Variants in HOTAIR observed in about 807,000 individuals in gnomAD.
HOTAIR encodes HOX transcript antisense RNA (non-protein coding).
At position 53,973,625 on chromosome 12, in the gene HOTAIR, C is replaced by G. The variant is rs143575026; in HGVS notation, n.59+1273G>C. On this transcript the variant is annotated intron_variant and non_coding_transcript_variant, in intron 1 of 6. Coordinates refer to ENST00000424518, the Ensembl canonical transcript of HOTAIR. This position sits in a 1 kb window ranked among gnomAD's most constrained non-coding sequence, Gnocchi z 4.3. ...CCTACGGCGGCCACCACCACCCCAG[C>G]GCCCCGCACGCAACCCCCGCCGGCT... 9.7e-4 allele frequency: 1,571 copies of G among 1,613,756 alleles called. 3 individuals carry two copies. Among genetic ancestry groups the G allele is most frequent in the Non-Finnish European group, 1.2e-3 (1,460 of 1,180,034 alleles).
intron 2 of HOTAIR, chr12:53,968,457 A>T (rs1446985996): frequency 6.6e-6 from 1 of 152,198 alleles, no homozygotes; most frequent in African/African-American, 2.4e-5. Context: ...CCAGGCGATA[A>T]ATCTCTGGCG....
exon 2 of HOTAIR, chr12:53,968,712 C>A (rs548034593): frequency 6.6e-6 from 1 of 152,424 alleles, no homozygotes; most frequent in Non-Finnish European, 1.5e-5. Context: ...TTCCAGGTTC[C>A]GGAAATCAGG....
intron 1 of HOTAIR, chr12:53,974,012 G>A: frequency 8.6e-7 from 1 of 1,156,788 alleles, no homozygotes; most frequent in Non-Finnish European, 1.2e-6. Context: ...AGGGGAGCGG[G>A]GACGGCCTCG....
rs116871204 is a variant in HOTAIR, at chr12:53,972,601, C to A, written n.59+2297G>T. On this transcript the variant is annotated intron_variant and non_coding_transcript_variant, in intron 1 of 6. Coordinates refer to ENST00000424518, the Ensembl canonical transcript of HOTAIR. ...ACTCCAGAAAGGTAGTCTTGACACCCAGCTCTGGCCAGGAAAAGAGTGGAC... is the reference window on the plus strand; with the variant it reads ...ACTCCAGAAAGGTAGTCTTGACACCAAGCTCTGGCCAGGAAAAGAGTGGAC... Among the ~76,000 whole-genome samples, 721 of 152,348 alleles carry A rather than the reference C, an allele frequency of 4.7e-3. 9 individuals carry two copies. The highest frequency in any genetic ancestry group is 3.4e-3 in the Middle Eastern group (1 of 294).
rs1203833898 is a variant in HOTAIR at position 53,973,181 on chromosome 12, T to G, written n.59+1717A>C. The stretch of plus-strand genomic sequence containing the variant: ...AACGCGTCATCTCGCCTTCCCAAAT[T>G]TTCCCCCCTCGCTAGACCGGGTCCA... On this transcript the variant is annotated intron_variant and non_coding_transcript_variant, in intron 1 of 6. Transcript: ENST00000424518. This position sits in a 1 kb window ranked among gnomAD's most constrained non-coding sequence, Gnocchi z 4.3. The G allele has an allele frequency of 2.9e-6, 4 of 1,381,298 alleles. No homozygotes were observed. The highest frequency in any genetic ancestry group is 3.9e-6 in the Non-Finnish European group (4 of 1,023,998). 85.6% of individuals were successfully genotyped at this position (1,381,298 alleles called of 1,614,324 possible). A position where few individuals can be genotyped will look rare whatever the true frequency, so the allele number is the denominator to read the frequency against.
intron 1 of HOTAIR, among the ~76,000 whole-genome samples, chr12:53,969,889 A>G (rs1377564382): frequency 6.6e-6 from 1 of 152,172 alleles, no homozygotes; most frequent in Non-Finnish European, 1.5e-5. Flanking sequence ...GCTCTCTAGA[A>G]CCCAGAGCAG....
At chr12:53,974,010 G>C (rs1308618224) in intron 1 of HOTAIR, 1 of 1,184,276 alleles carries the variant, frequency 8.4e-7, no homozygotes, top group Non-Finnish European at 1.1e-6. Context: ...CAAGGGGAGC[G>C]GGGACGGCCT....
intron 1 of HOTAIR, among the ~76,000 whole-genome samples, chr12:53,971,319 T>C (rs1939144769): frequency 6.6e-6 from 1 of 152,196 alleles, no homozygotes; most frequent in Non-Finnish European, 1.5e-5. Context: ...ACCTGAGACC[T>C]ATCCCTGAGT....
At chr12:53,974,015 C>A in intron 1 of HOTAIR, 3 of 1,139,250 alleles carry the variant, frequency 2.6e-6, no homozygotes, top group Non-Finnish European at 2.4e-6. Flanking sequence ...GGAGCGGGGA[C>A]GGCCTCGTGT....
At position 53,973,321 on chromosome 12, in the gene HOTAIR, G is replaced by A; in HGVS notation, n.59+1577C>T. ...GGCGCAGATTTCGGCGAGCGAGGGA[G>A]CTGCGCCTCCAACCTCTATCTGCCC... On this transcript the variant is annotated intron_variant and non_coding_transcript_variant, in intron 1 of 6. Transcript: ENST00000424518. The surrounding 1 kb of genome is among the most constrained non-coding windows in gnomAD (Gnocchi z 4.3). 1 of 1,614,114 alleles carries A rather than the reference G, an allele frequency of 6.2e-7. No individual in the cohort carries two copies. Among genetic ancestry groups the A allele is most frequent in the Non-Finnish European group, 8.5e-7 (1 of 1,180,018 alleles).
chr12:53,964,872 C>T (rs564338143), intron 5 of HOTAIR, among the ~76,000 whole-genome samples: 24 of 152,218 alleles, frequency 1.6e-4, no homozygotes, highest in African/African-American at 5.5e-4. Flanking sequence ...TTTGAATGCC[C>T]CTGATTTAGT....
Position 53,973,311 on chromosome 12 carries a change from G to A in HOTAIR, n.59+1587C>T, listed in dbSNP as rs755493064. The A allele has an allele frequency of 6.2e-7, 1 of 1,613,860 alleles. No homozygotes were observed. The highest frequency in any genetic ancestry group is 8.5e-7 in the Non-Finnish European group (1 of 1,180,016). On this transcript the variant is annotated intron_variant and non_coding_transcript_variant, in intron 1 of 6. Coordinates refer to ENST00000424518, the Ensembl canonical transcript of HOTAIR. This position sits in a 1 kb window ranked among gnomAD's most constrained non-coding sequence, Gnocchi z 4.3. ...CAAGGAGAGGGGCGCAGATTTCGGC[G>A]AGCGAGGGAGCTGCGCCTCCAACCT...
chr12:53,967,947 A>C (rs1256976583), intron 2 of HOTAIR: 1 of 152,224 alleles, frequency 6.6e-6, no homozygotes, highest in Non-Finnish European at 1.5e-5. Context: ...AAGCCTGGGA[A>C]GGTATCACCC....
At chr12:53,970,301 C>T (rs1231833137) in intron 1 of HOTAIR, among the ~76,000 whole-genome samples, 1 of 152,152 alleles carries the variant, frequency 6.6e-6, no homozygotes, top group Non-Finnish European at 1.5e-5. Flanking sequence ...AGGGATGGCT[C>T]CTGTACAGGG....
chr12:53,973,482 G>C lies in HOTAIR; in HGVS notation n.59+1416C>G. The C allele has an allele frequency of 1.2e-6, 2 of 1,613,952 alleles. No individual in the cohort carries two copies. The highest frequency in any genetic ancestry group is 1.7e-6 in the Non-Finnish European group (2 of 1,180,000). ...GGTCTCCTACGGCCTGGAGCCATCC[G>C]GCAAGTGGCACCATCGGAACAGCTA... On this transcript the variant is annotated intron_variant and non_coding_transcript_variant, in intron 1 of 6. Coordinates refer to ENST00000424518, the Ensembl canonical transcript of HOTAIR. The surrounding 1 kb of genome is among the most constrained non-coding windows in gnomAD (Gnocchi z 4.3).
At chr12:53,972,949 G>A (rs941693669) in intron 1 of HOTAIR, among the ~76,000 whole-genome samples, 1 of 151,826 alleles carries the variant, frequency 6.6e-6, no homozygotes, top group Admixed American at 6.6e-5. Context: ...CTGTGGTATG[G>A]AGAGAAGGGG....
At chr12:53,967,050 C>T (rs1373792326) in intron 3 of HOTAIR, among the ~76,000 whole-genome samples, 1 of 152,202 alleles carries the variant, frequency 6.6e-6, no homozygotes, top group African/African-American at 2.4e-5. Context: ...GACCTCACAG[C>T]TCGTTTTCGC....
At chr12:53,969,910 A>T (rs1192370366) in intron 1 of HOTAIR, among the ~76,000 whole-genome samples, 1 of 152,222 alleles carries the variant, frequency 6.6e-6, no homozygotes, top group Non-Finnish European at 1.5e-5. Flanking sequence ...TGGAGGAGGT[A>T]GACAAGCTAA....
At chr12:53,967,842 T>G (rs915655757) in intron 2 of HOTAIR, among the ~76,000 whole-genome samples, 1 of 152,024 alleles carries the variant, frequency 6.6e-6, no homozygotes, top group Non-Finnish European at 1.5e-5. Flanking sequence ...ACTTTGGAGA[T>G]TTAGGGACTT....
Sources: gnomAD v4.1 joint callset for allele counts (sites outside exome capture counted in the v4.1 genomes callset) on GRCh38, gnomAD v4.1.1 for gene constraint, Gnocchi (gnomAD v3.1) non-coding constraint, MANE v1.5 for transcripts, NCBI Gene and HGNC (gene_info 2026-07-23, HGNC 2026-07-21) for gene names.